Variants in MYO10 observed in about 807,000 individuals in gnomAD.
MYO10 encodes myosin X.
In MYO10, 133 loss-of-function variants were observed where a neutral mutation model predicts 257.3. The ratio of observed to expected loss-of-function variants is 0.52; its 90% confidence interval spans 0.45 to 0.60. The LOEUF (loss-of-function observed/expected upper bound fraction) is 0.60. Among genes scored for constraint, MYO10 ranks in the 20% least tolerant of loss-of-function variants. The probability of loss-of-function intolerance (pLI) is 0.00; values close to 1 mark genes in which losing one functional copy is unlikely to be tolerated. For synonymous variants in MYO10, 1,104 were observed against 1,028.6 expected (o/e 1.07, Z -1.40); for missense variants, 2,399 against 2,635.7 (o/e 0.91, Z 1.97).
chr5:16,740,959 C>G (rs942426543), intron 19 of MYO10, among the ~76,000 whole-genome samples: 1 of 151,654 alleles, frequency 6.6e-6, no homozygotes, highest in Non-Finnish European at 1.5e-5. Flanking sequence ...GCGACGAAAG[C>G]AGATTTAGCC....
intron 2 of MYO10, among the ~76,000 whole-genome samples, chr5:16,850,840 C>T (rs1383759094): frequency 6.6e-6 from 1 of 151,080 alleles, no homozygotes; most frequent in Non-Finnish European, 1.5e-5. Context: ...CTTGCTCTGT[C>T]GTCCAGGCTG....
rs781254622 is a variant in MYO10, at chr5:16,763,511, G to A, written c.1464C>T (p.Asp488=). 64 of 1,611,968 alleles carry A rather than the reference G, an allele frequency of 4.0e-5. No homozygotes were observed. Among genetic ancestry groups the A allele is most frequent in the Non-Finnish European group, 5.3e-5 (63 of 1,178,524 alleles). Residue 488 remains aspartate, a synonymous_variant, in exon 14 of 41, where the codon GAC becomes GAT. Coordinates refer to ENST00000513610, the MANE Select transcript of MYO10 (RefSeq NM_012334.3). ...GLVWEDIDWI[D]NGECLDLIEK... ...CAATCAAGTCCAGGCATTCTCCATTGTCTATCCAGTCAATATCTTCCCACA... is the reference window on the plus strand; with the variant it reads ...CAATCAAGTCCAGGCATTCTCCATTATCTATCCAGTCAATATCTTCCCACA...
chr5:16,908,370 A>C (rs1365251514), intron 1 of MYO10, among the ~76,000 whole-genome samples: 2 of 152,068 alleles, frequency 1.3e-5, no homozygotes, highest in African/African-American at 4.8e-5. Context: ...TCTACTAAAA[A>C]TACAAAAATT....
intron 11 of MYO10, among the ~76,000 whole-genome samples, chr5:16,765,550 T>C (rs1560973044): frequency 6.6e-6 from 1 of 152,178 alleles, no homozygotes; most frequent in Admixed American, 6.5e-5. Context: ...CTAGCACATA[T>C]ACATTGGCTC....
At chr5:16,726,124 C>A (rs1739358271) in intron 19 of MYO10, among the ~76,000 whole-genome samples, 2 of 152,150 alleles carry the variant, frequency 1.3e-5, no homozygotes, top group African/African-American at 4.8e-5. Flanking sequence ...GCAGATCATG[C>A]CAGATCTCCC....
intron 1 of MYO10, chr5:16,916,405 T>TTAA (rs1745818199): frequency 9.6e-6 from 1 of 104,262 alleles, no homozygotes; most frequent in Non-Finnish European, 1.8e-5. Context: ...AGCCATGAAG[T>TTAA]AAAAAAAAAA....
intron 22 of MYO10, among the ~76,000 whole-genome samples, chr5:16,703,661 T>A (rs951049343): frequency 1.3e-5 from 2 of 151,816 alleles, no homozygotes; most frequent in Non-Finnish European, 2.9e-5. Context: ...GGCGGATGGA[T>A]CACGAAGGTC....
intron 1 of MYO10, among the ~76,000 whole-genome samples, chr5:16,894,234 G>T (rs1448660161): frequency 2.6e-5 from 4 of 152,058 alleles, no homozygotes; most frequent in Admixed American, 2.6e-4. Context: ...ACCCCTTCTG[G>T]GACATTGGAT....
At chr5:16,695,470 C>T (rs779826006) in intron 26 of MYO10, among the ~76,000 whole-genome samples, 3 of 151,194 alleles carry the variant, frequency 2.0e-5, no homozygotes, top group Non-Finnish European at 4.4e-5. Flanking sequence ...AGAAAAACAT[C>T]TTTTCAAAGA....
chr5:16,735,365 C>A (rs1221186614), intron 19 of MYO10, among the ~76,000 whole-genome samples: 2 of 152,032 alleles, frequency 1.3e-5, no homozygotes, highest in Non-Finnish European at 2.9e-5. Flanking sequence ...GTGATTTACA[C>A]GAGAAAACCG....
chr5:16,700,914 G>C, intron 25 of MYO10, 49 bp downstream of exon 25: 3 of 1,497,366 alleles, frequency 2.0e-6, no homozygotes, highest in Non-Finnish European at 2.7e-6. Context: ...AACAGGGGTG[G>C]GTGTGACCGG....
intron 1 of MYO10, among the ~76,000 whole-genome samples, chr5:16,889,156 G>A (rs1744972582): frequency 6.7e-6 from 1 of 149,332 alleles, no homozygotes; most frequent in African/African-American, 2.5e-5. Context: ...CTGGGTGACA[G>A]GGCAAGACCC....
At chr5:16,707,262 G>T (rs1051517959) in intron 21 of MYO10, among the ~76,000 whole-genome samples, 7 of 152,144 alleles carry the variant, frequency 4.6e-5, no homozygotes, top group African/African-American at 1.7e-4. Flanking sequence ...GTCTTTATTA[G>T]CAGTGTGAGA....
At chr5:16,825,773 C>G (rs185438762) in intron 2 of MYO10, among the ~76,000 whole-genome samples, 1 of 152,314 alleles carries the variant, frequency 6.6e-6, no homozygotes, top group East Asian at 1.9e-4. Flanking sequence ...TACTTGAGCC[C>G]AGGAGGCGGA....
intron 31 of MYO10, 126 bp from the exon 32 acceptor site, chr5:16,681,629 C>T: frequency 1.8e-6 from 2 of 1,112,634 alleles, no homozygotes; most frequent in Non-Finnish European, 2.5e-6. Flanking sequence ...AGACCACGAA[C>T]ACCCCAACCC....
chr5:16,779,694 T>C (rs762225577), intron 8 of MYO10, 46 bp from the exon 9 acceptor site: 1 of 1,165,642 alleles, frequency 8.6e-7, no homozygotes. Flanking sequence ...CAGGACAAGA[T>C]GAAATTCAGA....
intron 2 of MYO10, among the ~76,000 whole-genome samples, chr5:16,837,605 G>A (rs1158017287): frequency 6.6e-6 from 1 of 152,144 alleles, no homozygotes; most frequent in Non-Finnish European, 1.5e-5. Context: ...GGTACACTTT[G>A]AGTAAAGTCT....
At chr5:16,722,534 A>G (rs535831325) in intron 19 of MYO10, among the ~76,000 whole-genome samples, 1 of 151,752 alleles carries the variant, frequency 6.6e-6, no homozygotes, top group Non-Finnish European at 1.5e-5. Context: ...AAGTATGTCA[A>G]TCTACACAAC....
intron 27 of MYO10, among the ~76,000 whole-genome samples, chr5:16,692,258 A>T (rs896970511): frequency 6.6e-6 from 1 of 151,996 alleles, no homozygotes; most frequent in South Asian, 2.1e-4. Flanking sequence ...TGTCTCTACT[A>T]AAAATACAAA....
Sources: gnomAD v4.1 joint callset for allele counts (sites outside exome capture counted in the v4.1 genomes callset) on GRCh38, gnomAD v4.1.1 for gene constraint, MANE v1.5 for transcripts, NCBI Gene and HGNC (gene_info 2026-07-23, HGNC 2026-07-21) for gene names.